Variants in CHODL observed in about 807,000 individuals in gnomAD.
CHODL encodes the protein chondrolectin, also known as transmembrane protein MT75.
CHODL carries 29 observed loss-of-function variants against 34.5 expected under a neutral mutation model. The ratio of observed to expected loss-of-function variants is 0.84; its 90% CI spans 0.63 to 1.15. The LOEUF is 1.15. Ranked by LOEUF, CHODL falls within the 50% of genes most tolerant of loss-of-function variation. The probability of loss-of-function intolerance (pLI) is 0.00; values close to 1 mark genes in which losing one functional copy is unlikely to be tolerated. For synonymous variants in CHODL, 125 were observed against 116.1 expected, an observed-to-expected ratio of 1.08 and a Z score of -0.49; for missense variants, 332 against 332.5, an observed-to-expected ratio of 1.00 and a Z score of 0.01.
At chr21:18,153,297 G>A (rs1415931714) in intron 2 of CHODL, among the ~76,000 whole-genome samples, 1 of 152,152 alleles carries the variant, frequency 6.6e-6, no homozygotes, top group Admixed American at 6.5e-5. Flanking sequence ...GCAGGATTCC[G>A]TTCCATGTGA....
intron 2 of CHODL, among the ~76,000 whole-genome samples, chr21:18,197,045 G>C (rs1431442546): frequency 6.6e-6 from 1 of 152,076 alleles, no homozygotes; most frequent in South Asian, 2.1e-4. Flanking sequence ...ATGTTAGGTA[G>C]CTTGATCATA....
At chr21:18,138,381 T>C (rs1434463954) in intron 2 of CHODL, among the ~76,000 whole-genome samples, 1 of 152,206 alleles carries the variant, frequency 6.6e-6, no homozygotes, top group Non-Finnish European at 1.5e-5. Flanking sequence ...TCATAGTGTT[T>C]ACAACATTTT....
intron 1 of CHODL, among the ~76,000 whole-genome samples, chr21:17,995,286 T>TTA (rs1333955274): frequency 6.6e-6 from 1 of 152,192 alleles, no homozygotes; most frequent in Non-Finnish European, 1.5e-5. Context: ...ACTGTCTATA[T>TTA]TAGTCTCAGG....
chr21:17,982,159 C>T (rs575733965), intron 1 of CHODL, among the ~76,000 whole-genome samples: 1 of 152,142 alleles, frequency 6.6e-6, no homozygotes. Context: ...AAACAACAGG[C>T]CTCTCTTATC....
At chr21:17,953,531 C>G (rs1318394587) in intron 1 of CHODL, among the ~76,000 whole-genome samples, 1 of 151,942 alleles carries the variant, frequency 6.6e-6, no homozygotes, top group Non-Finnish European at 1.5e-5. Context: ...ACTCAATACT[C>G]AAACCAAAAG....
At chr21:18,114,539 G>C (rs2146566851) in intron 2 of CHODL, among the ~76,000 whole-genome samples, 1 of 152,152 alleles carries the variant, frequency 6.6e-6, no homozygotes, top group Admixed American at 6.5e-5. Flanking sequence ...TGCAACCTCT[G>C]TCTCCTCGGT....
chr21:18,049,703 G>C (rs946010307), intron 2 of CHODL, among the ~76,000 whole-genome samples: 2 of 151,868 alleles, frequency 1.3e-5, no homozygotes, highest in African/African-American at 4.8e-5. Flanking sequence ...CTCATCCCTG[G>C]TGTCTAAATT....
chr21:17,989,711 G>A (rs1309403958), intron 1 of CHODL, among the ~76,000 whole-genome samples: 1 of 152,098 alleles, frequency 6.6e-6, no homozygotes, highest in Non-Finnish European at 1.5e-5. Flanking sequence ...ATGATGAGCC[G>A]ACCATGTTTC....
chr21:18,245,895 G>C, intron 1 of CHODL: 1 of 1,535,332 alleles, frequency 6.5e-7, no homozygotes, highest in Non-Finnish European at 8.7e-7. Flanking sequence ...TTCCAAGTTG[G>C]GGACTTCCCA....
intron 1 of CHODL, among the ~76,000 whole-genome samples, chr21:18,027,042 A>G (rs1174392932): frequency 6.6e-6 from 1 of 152,080 alleles, no homozygotes. Context: ...TTTGGGAGGC[A>G]GAAGTGGGTC....
At chr21:18,241,987 C>T (rs956934879), upstream of CHODL, among the ~76,000 whole-genome samples, 1 of 151,338 alleles carries the variant, frequency 6.6e-6, no homozygotes, top group Non-Finnish European at 1.5e-5. Context: ...TTGAAGTTCT[C>T]ATTTGAGTCT....
intron 2 of CHODL, among the ~76,000 whole-genome samples, chr21:18,162,347 T>C (rs575184377): frequency 6.6e-6 from 1 of 152,192 alleles, no homozygotes; most frequent in East Asian, 1.9e-4. Flanking sequence ...TTGCTGACAA[T>C]TTTGGTATTT....
intron 2 of CHODL, among the ~76,000 whole-genome samples, chr21:18,122,333 G>T (rs1351290541): frequency 6.6e-6 from 1 of 152,070 alleles, no homozygotes; most frequent in Non-Finnish European, 1.5e-5. Context: ...TACGGTCACT[G>T]GATGAGGTCC....
At chr21:18,253,887 G>A (rs527540727) in intron 1 of CHODL, among the ~76,000 whole-genome samples, 1 of 152,114 alleles carries the variant, frequency 6.6e-6, no homozygotes, top group South Asian at 2.1e-4. Context: ...CGAAACAGAG[G>A]GAACAACTCT....
intron 2 of CHODL, among the ~76,000 whole-genome samples, chr21:18,057,651 C>T (rs1166731620): frequency 6.6e-6 from 1 of 151,900 alleles, no homozygotes; most frequent in Non-Finnish European, 1.5e-5. Context: ...TGTGCCCTGC[C>T]TATTCCATAA....
chr21:18,061,780 T>C (rs182502326), intron 2 of CHODL, among the ~76,000 whole-genome samples: 45 of 152,284 alleles, frequency 3.0e-4, no homozygotes, highest in African/African-American at 1.1e-3. Context: ...ATCTGAGAGA[T>C]CGAGATTTTG....
At chr21:18,143,787 G>T (rs1362072880) in intron 2 of CHODL, among the ~76,000 whole-genome samples, 1 of 152,032 alleles carries the variant, frequency 6.6e-6, no homozygotes, top group Non-Finnish European at 1.5e-5. Flanking sequence ...ATCTTACAGA[G>T]ATTTTTCAGA....
At chr21:18,229,816 G>C (rs150186468) in intron 2 of CHODL, among the ~76,000 whole-genome samples, 201 of 152,188 alleles carry the variant, frequency 1.3e-3, no homozygotes, top group African/African-American at 4.7e-3. Flanking sequence ...CTTAAATCTT[G>C]TGATAATCGC....
intron 2 of CHODL, among the ~76,000 whole-genome samples, chr21:18,216,415 G>A (rs1287683122): frequency 6.6e-6 from 1 of 151,932 alleles, no homozygotes; most frequent in Non-Finnish European, 1.5e-5. Context: ...CCATTAACAA[G>A]CCTCTCTTCA....
Sources: gnomAD v4.1 joint callset for allele counts (sites outside exome capture counted in the v4.1 genomes callset) on GRCh38, gnomAD v4.1.1 for gene constraint, MANE v1.5 for transcripts, NCBI Gene and HGNC (gene_info 2026-07-23, HGNC 2026-07-21) for gene names.